PMS1: variants seen among roughly 807,000 people sequenced by gnomAD.
PMS1 encodes PMS1 protein homolog 1.
Under a neutral mutation model 93.1 loss-of-function variants are expected in PMS1, and 79 were observed. That is an observed-to-expected ratio of 0.85 (90% CI 0.71 to 1.02). PMS1 has a LOEUF of 1.02. Ranked by LOEUF, PMS1 falls within the 50% of genes least tolerant of loss-of-function variation. The pLI, the probability that PMS1 is intolerant of heterozygous loss-of-function variation, is 0.00. For missense variants in PMS1, 1,064 were observed against 1,085.3 expected, an observed-to-expected ratio of 0.98 and a Z score of 0.28; for synonymous variants, 335 against 363.4, an observed-to-expected ratio of 0.92 and a Z score of 0.89.
intron 1 of PMS1, among the ~76,000 whole-genome samples, chr2:189,788,652 G>C (rs1318280399): frequency 2.6e-5 from 4 of 151,938 alleles, no homozygotes; most frequent in Non-Finnish European, 4.4e-5. Flanking sequence ...TTTTTAAAAG[G>C]TTAGTTTTAA....
In PMS1 at chr2:189,795,926, TG is replaced by T. The variant is rs1559217189; in HGVS notation, c.294del (p.Ser99GlnfsTer5). ...ACTTACGGTTTTCGTGGAGAAGCCTTGGGGTCAATTTGTTGTATAGCTGAGG... is the reference window on the plus strand; with the variant it reads ...ACTTACGGTTTTCGTGGAGAAGCCTTGGGTCAATTTGTTGTATAGCTGAGG... ...LTTYGFRGEA[L>X]GSICCIAEVL... On this transcript the variant is annotated frameshift_variant, in exon 3 of 13. Transcript: ENST00000441310. LOFTEE classifies it high-confidence loss of function. 3.1e-6 allele frequency: 5 copies of T among 1,612,654 alleles called. No individual in the cohort carries two copies. Among genetic ancestry groups the T allele is most frequent in the Non-Finnish European group, 4.2e-6 (5 of 1,178,636 alleles).
At chr2:189,806,380 T>C in intron 4 of PMS1, 1 of 308,058 alleles carries the variant, frequency 3.2e-6, no homozygotes, top group South Asian at 3.4e-5. Flanking sequence ...TTAATTGATA[T>C]CTTATGTTTT....
chr2:189,788,691 C>T (rs555672602), intron 1 of PMS1, among the ~76,000 whole-genome samples: 1 of 152,046 alleles, frequency 6.6e-6, no homozygotes. Context: ...CTAGTGTATC[C>T]AAATAGGATA....
chr2:189,801,501 CT>C (rs1187742652), intron 3 of PMS1, among the ~76,000 whole-genome samples: 1 of 151,998 alleles, frequency 6.6e-6, no homozygotes, highest in Non-Finnish European at 1.5e-5. Flanking sequence ...AAATATTTTT[CT>C]TTTTAGGTTG....
intron 11 of PMS1, among the ~76,000 whole-genome samples, chr2:189,868,329 C>T (rs908300581): frequency 6.6e-6 from 1 of 152,122 alleles, no homozygotes; most frequent in Non-Finnish European, 1.5e-5. Flanking sequence ...CTTGTTTTGC[C>T]AATTAGACGT....
Position 189,877,519 on chromosome 2 carries a change from TA to T in PMS1, c.*84del. ...TGAGTCTGGTTTTAAATTATCTTTG[TA>T]TTATGTGTCACATGGTTATTTTTTA... On this transcript the variant is annotated 3_prime_UTR_variant, in exon 13 of 13. Coordinates refer to ENST00000441310, the MANE Select transcript of PMS1 (RefSeq NM_000534.5). 1 of 902,946 alleles carries T rather than the reference TA, an allele frequency of 1.1e-6. No individual in the cohort carries two copies. 55.9% of individuals were successfully genotyped at this position (902,946 alleles called of 1,614,324 possible).
chr2:189,816,371 ATTGT>A (rs150216982), intron 4 of PMS1, among the ~76,000 whole-genome samples: 5,019 of 152,176 alleles, frequency 0.033, 278 homozygotes, highest in African/African-American at 0.11. Flanking sequence ...TAGTTAGTAA[ATTGT>A]TTGTCTTCTA....
chr2:189,812,416 C>A (rs1183263779), intron 4 of PMS1, among the ~76,000 whole-genome samples: 2 of 152,148 alleles, frequency 1.3e-5, no homozygotes, highest in East Asian at 1.9e-4. Context: ...GAGAATCTCC[C>A]ACCATGCACT....
At chr2:189,874,397 T>C (rs925713246) in intron 12 of PMS1, among the ~76,000 whole-genome samples, 3 of 152,198 alleles carry the variant, frequency 2.0e-5, no homozygotes, top group African/African-American at 7.2e-5. Flanking sequence ...GATGGGAATC[T>C]TTGAATAAGC....
intron 5 of PMS1, among the ~76,000 whole-genome samples, chr2:189,822,880 C>A (rs1477554410): frequency 6.6e-6 from 1 of 152,124 alleles, no homozygotes; most frequent in East Asian, 1.9e-4. Context: ...GGAGCTAATG[C>A]TACAAGGCTC....
At chr2:189,793,941 C>T (rs150895596) in intron 2 of PMS1, among the ~76,000 whole-genome samples, 8 of 152,150 alleles carry the variant, frequency 5.3e-5, no homozygotes, top group African/African-American at 1.2e-4. Context: ...GTTCTTATTA[C>T]GGGATTTCGA....
chr2:189,859,156 C>A (rs965692588), intron 9 of PMS1, among the ~76,000 whole-genome samples: 3 of 152,088 alleles, frequency 2.0e-5, no homozygotes, highest in African/African-American at 7.2e-5. Context: ...ATTACTCGCC[C>A]CTTTGTTGTG....
Position 189,855,022 on chromosome 2 carries a change from G to A in PMS1, c.1750G>A (p.Asp584Asn). 1 of 1,613,234 alleles carries A rather than the reference G, an allele frequency of 6.2e-7. No individual in the cohort carries two copies. Among genetic ancestry groups the A allele is most frequent in the Non-Finnish European group, 8.5e-7 (1 of 1,179,290 alleles). ...GTCAGCAAGTGCTCTTTTTGTTCAA[G>A]ATCATCGTCCTCAGTTTCTCATAGA... is the stretch of plus-strand genomic sequence containing the variant. ...PMSASALFVQ[D>N]HRPQFLIENP... Residue 584 changes from aspartate to asparagine, a missense_variant, in exon 9 of 13, where the codon GAT (aspartate) becomes AAT (asparagine). Coordinates refer to ENST00000441310, the MANE Select transcript of PMS1 (RefSeq NM_000534.5).
chr2:189,860,132 T>C (rs1022864508), intron 9 of PMS1, among the ~76,000 whole-genome samples: 2 of 152,198 alleles, frequency 1.3e-5, no homozygotes, highest in Non-Finnish European at 2.9e-5. Context: ...ATGGTGTAAT[T>C]TGATGCATTT....
chr2:189,828,135 A>G (rs2106361342), intron 5 of PMS1, among the ~76,000 whole-genome samples: 1 of 152,234 alleles, frequency 6.6e-6, no homozygotes, highest in Middle Eastern at 3.4e-3. Context: ...CATATTAGCC[A>G]GGATGGTCTC....
At chr2:189,809,290 CAG>C (rs1482042228) in intron 4 of PMS1, among the ~76,000 whole-genome samples, 4 of 152,016 alleles carry the variant, frequency 2.6e-5, no homozygotes, top group African/African-American at 9.7e-5. Flanking sequence ...AAAAATATAA[CAG>C]GGAGCATATT....
At chr2:189,868,012 G>GC (rs1246541689) in intron 11 of PMS1, 83 bp downstream of exon 11, 18 of 1,162,698 alleles carry the variant, frequency 1.5e-5, no homozygotes, top group Non-Finnish European at 1.8e-5. Context: ...ATGATTTACA[G>GC]ATATGGTGGT....
intron 5 of PMS1, among the ~76,000 whole-genome samples, chr2:189,839,518 TTC>T (rs889402694): frequency 6.6e-6 from 1 of 152,132 alleles, no homozygotes; most frequent in African/African-American, 2.4e-5. Flanking sequence ...TAGCAAGGCA[TTC>T]TCTCTATATG....
At chr2:189,819,652 T>C (rs2051653112) in intron 5 of PMS1, among the ~76,000 whole-genome samples, 1 of 152,248 alleles carries the variant, frequency 6.6e-6, no homozygotes, top group Non-Finnish European at 1.5e-5. Flanking sequence ...CATTTTTTCA[T>C]ATGCTTGCTG....
Sources: gnomAD v4.1 joint callset for allele counts (sites outside exome capture counted in the v4.1 genomes callset) on GRCh38, gnomAD v4.1.1 for gene constraint, MANE v1.5 for transcripts, NCBI Gene and HGNC (gene_info 2026-07-23, HGNC 2026-07-21) for gene names.